ALK: variants seen among roughly 807,000 people sequenced by gnomAD.
The protein encoded by ALK is ALK tyrosine kinase receptor.
ALK carries 74 observed loss-of-function variants against 163.1 expected under a neutral mutation model. That is an observed-to-expected ratio of 0.45 (90% CI 0.38 to 0.55). ALK has a LOEUF of 0.55. Ranked by LOEUF, ALK falls within the 20% of genes least tolerant of loss-of-function variation. The probability of loss-of-function intolerance (pLI) is 0.00; values close to 1 mark genes in which losing one functional copy is unlikely to be tolerated. For missense variants in ALK, 2,063 were observed against 2,105.3 expected, an observed-to-expected ratio of 0.98 and a Z score of 0.39; for synonymous variants, 960 against 843.2, an observed-to-expected ratio of 1.14 and a Z score of -2.40.
At chr2:29,830,081 C>T (rs1037750899) in intron 1 of ALK, among the ~76,000 whole-genome samples, 2 of 152,348 alleles carry the variant, frequency 1.3e-5, no homozygotes, top group East Asian at 3.9e-4. Context: ...GTTGACTTGG[C>T]TCTGGCTTGC....
intron 1 of ALK, among the ~76,000 whole-genome samples, chr2:29,740,118 G>A (rs1040103421): frequency 1.3e-5 from 2 of 152,082 alleles, no homozygotes; most frequent in Non-Finnish European, 2.9e-5. Context: ...ATTCTGATGT[G>A]AGGTCAGAGG....
At chr2:29,853,785 C>T (rs1666066934) in intron 1 of ALK, among the ~76,000 whole-genome samples, 1 of 150,842 alleles carries the variant, frequency 6.6e-6, no homozygotes, top group African/African-American at 2.5e-5. Flanking sequence ...CTCCTCTCCT[C>T]TCCCTCCCTC....
chr2:29,453,207 C>G (rs993149545), intron 4 of ALK, among the ~76,000 whole-genome samples: 1 of 139,788 alleles, frequency 7.2e-6, no homozygotes, highest in Non-Finnish European at 1.6e-5. Context: ...TTTTGCAACT[C>G]TTATTTAAAT....
At chr2:29,434,291 T>A (rs1041399492) in intron 4 of ALK, among the ~76,000 whole-genome samples, 5 of 152,196 alleles carry the variant, frequency 3.3e-5, no homozygotes, top group Admixed American at 2.0e-4. Flanking sequence ...CTAATGCAAA[T>A]GAGACGGAGG....
At chr2:29,404,784 C>G (rs1014650635) in intron 4 of ALK, among the ~76,000 whole-genome samples, 2 of 152,086 alleles carry the variant, frequency 1.3e-5, no homozygotes, top group African/African-American at 2.4e-5. Context: ...AAGTGAGAGC[C>G]CAGTGCAGCA....
chr2:29,409,171 A>T (rs1669667450), intron 4 of ALK, among the ~76,000 whole-genome samples: 1 of 152,174 alleles, frequency 6.6e-6, no homozygotes, highest in African/African-American at 2.4e-5. Flanking sequence ...TATTCTTGTC[A>T]CCTCTAAAAT....
chr2:29,821,333 T>C (rs1665042126), intron 1 of ALK, among the ~76,000 whole-genome samples: 1 of 152,108 alleles, frequency 6.6e-6, no homozygotes, highest in Non-Finnish European at 1.5e-5. Flanking sequence ...GGTTTTACTC[T>C]CCTCTGCCCT....
At chr2:29,511,805 G>A (rs1219807372) in intron 4 of ALK, among the ~76,000 whole-genome samples, 1 of 152,100 alleles carries the variant, frequency 6.6e-6, no homozygotes, top group Non-Finnish European at 1.5e-5. Flanking sequence ...AACAACACTT[G>A]GTATGGTTAG....
At chr2:29,334,396 A>T (rs1667547102) in intron 5 of ALK, among the ~76,000 whole-genome samples, 1 of 152,116 alleles carries the variant, frequency 6.6e-6, no homozygotes, top group Non-Finnish European at 1.5e-5. Context: ...TGTCCATTTG[A>T]TAGTTGAGAA....
chr2:29,805,694 T>A (rs1664591988), intron 1 of ALK, among the ~76,000 whole-genome samples: 2 of 152,202 alleles, frequency 1.3e-5, no homozygotes, highest in African/African-American at 4.8e-5. Flanking sequence ...TATGGCTGCA[T>A]AGTATTCCAT....
chr2:29,193,920 G>A lies in ALK; in HGVS notation c.4167C>T (p.Asp1389=), dbSNP rs2148139184. 1 of 1,614,156 alleles carries A rather than the reference G, an allele frequency of 6.2e-7. No homozygotes were observed. Among genetic ancestry groups the A allele is most frequent in the Non-Finnish European group, 8.5e-7 (1 of 1,180,006 alleles). Residue 1389 remains aspartate (D), a splice_region_variant and synonymous_variant, in exon 29 of 29, where the codon GAC becomes GAT. Coordinates refer to ENST00000389048, the MANE Select transcript of ALK (RefSeq NM_004304.5). ...GCAAAGCGGTGTTGATTACATCCGG[G>A]TCCTGCCGTAGGGGAAATTATTAAA... ...ILERIEYCTQ[D]PDVINTALPI...
intron 4 of ALK, among the ~76,000 whole-genome samples, chr2:29,450,056 A>G (rs1330340492): frequency 6.6e-6 from 1 of 152,152 alleles, no homozygotes; most frequent in African/African-American, 2.4e-5. Flanking sequence ...CAAAGGGCAA[A>G]GGGGAAAATG....
intron 9 of ALK, among the ~76,000 whole-genome samples, chr2:29,277,391 G>A (rs565469540): frequency 6.6e-6 from 1 of 152,348 alleles, no homozygotes; most frequent in South Asian, 2.1e-4. Flanking sequence ...TGTTTCCATG[G>A]AGCAAAGCCT....
chr2:29,577,770 C>T (rs1421527071), intron 3 of ALK, among the ~76,000 whole-genome samples: 1 of 152,248 alleles, frequency 6.6e-6, no homozygotes, highest in African/African-American at 2.4e-5. Flanking sequence ...TGAATCTCTG[C>T]TCTCGTTCTC....
At chr2:29,916,641 G>A (rs1667842061) in intron 1 of ALK, among the ~76,000 whole-genome samples, 1 of 152,164 alleles carries the variant, frequency 6.6e-6, no homozygotes, top group African/African-American at 2.4e-5. Context: ...AAATTGCTCA[G>A]GCCTCTCCAT....
At chr2:29,863,933 T>A (rs1666359549) in intron 1 of ALK, among the ~76,000 whole-genome samples, 1 of 152,210 alleles carries the variant, frequency 6.6e-6, no homozygotes, top group Non-Finnish European at 1.5e-5. Context: ...CTTTTATCCC[T>A]CAAGACATTT....
chr2:29,800,688 C>A (rs771734846), intron 1 of ALK, among the ~76,000 whole-genome samples: 2 of 152,208 alleles, frequency 1.3e-5, no homozygotes, highest in Non-Finnish European at 2.9e-5. Flanking sequence ...TCAGACTTAA[C>A]AACAAGCTCT....
chr2:29,216,775 GGT>G (rs1669622567), intron 23 of ALK, among the ~76,000 whole-genome samples: 2 of 151,588 alleles, frequency 1.3e-5, no homozygotes, highest in Non-Finnish European at 2.9e-5. Context: ...GGATGTGTGA[GGT>G]GTGTGTGGTG....
chr2:29,574,107 A>G (rs1423460579), intron 3 of ALK, among the ~76,000 whole-genome samples: 2 of 152,216 alleles, frequency 1.3e-5, no homozygotes, highest in African/African-American at 4.8e-5. Flanking sequence ...ATGCCGGAGC[A>G]GAACAAGTAA....
Sources: gnomAD v4.1 joint callset for allele counts (sites outside exome capture counted in the v4.1 genomes callset) on GRCh38, gnomAD v4.1.1 for gene constraint, MANE v1.5 for transcripts, NCBI Gene and HGNC (gene_info 2026-07-23, HGNC 2026-07-21) for gene names.